The following SLC6A4 variants were observed in gnomAD, a reference collection of about 807,000 sequenced individuals.
SLC6A4 encodes sodium-dependent serotonin transporter.
SLC6A4 carries 22 observed loss-of-function variants against 73.4 expected under a neutral mutation model. The ratio of observed to expected loss-of-function variants is 0.30; its 90% CI spans 0.21 to 0.43. SLC6A4 has a LOEUF of 0.43. SLC6A4 is among the 20% of genes least tolerant of loss of function. The pLI is 1.00. For missense variants in SLC6A4, 593 were observed against 808.5 expected (o/e 0.73, Z 3.23); for synonymous variants, 270 against 315.5 (o/e 0.86, Z 1.53).
Position 30,216,082 on chromosome 17 carries a change from C to G in SLC6A4, c.972G>C (p.Gly324=). 1 of 1,612,836 alleles carries G rather than the reference C, an allele frequency of 6.2e-7. No homozygotes were observed. Among genetic ancestry groups the G allele is most frequent in the Non-Finnish European group, 8.5e-7 (1 of 1,179,416 alleles). The stretch of plus-strand genomic sequence containing the variant: ...ACACATATTTCCCTCATCATCTTAC[C>G]CCTGTCTCCAGGAGTTTCTGCCAAT... ...KPNWQKLLET[G]VWIDAAAQIF... is the part of the protein sequence containing the mutation. The change falls in exon 7 of 15, where the codon GGG becomes GGC. Residue 324 remains glycine, a splice_region_variant and synonymous_variant. Coordinates refer to ENST00000650711, the MANE Select transcript of SLC6A4 (RefSeq NM_001045.6).
chr17:30,221,577 C>T (rs766559577), intron 3 of SLC6A4, 39 bp downstream of exon 3: 2 of 1,571,196 alleles, frequency 1.3e-6, no homozygotes, highest in African/African-American at 2.7e-5. Context: ...CACAGCCCAC[C>T]CTGGGTCACA....
intron 8 of SLC6A4, among the ~76,000 whole-genome samples, chr17:30,213,329 G>C (rs931079799): frequency 7.1e-6 from 1 of 141,528 alleles, no homozygotes; most frequent in African/African-American, 2.7e-5. Flanking sequence ...TTGAGACAGA[G>C]CCTTGCTCTA....
intron 14 of SLC6A4, among the ~76,000 whole-genome samples, chr17:30,201,238 C>T (rs1269289854): frequency 6.6e-6 from 1 of 152,108 alleles, no homozygotes; most frequent in East Asian, 1.9e-4. Context: ...AGGAGGAAAC[C>T]GAGGCCCAGA....
intron 14 of SLC6A4, among the ~76,000 whole-genome samples, chr17:30,199,068 G>A (rs1449644384): frequency 6.6e-6 from 1 of 152,244 alleles, no homozygotes; most frequent in East Asian, 1.9e-4. Context: ...TCATATGAGA[G>A]TATAAATTAT....
At chr17:30,234,139 G>A (rs959081910) in intron 1 of SLC6A4, among the ~76,000 whole-genome samples, 1 of 151,764 alleles carries the variant, frequency 6.6e-6, no homozygotes, top group Non-Finnish European at 1.5e-5. Context: ...GAATTTCTGA[G>A]GTCTTTCAGA....
At position 30,222,069 on chromosome 17, in the gene SLC6A4, G is replaced by A. The variant is rs201098813; in HGVS notation, c.-111C>T. 146 of 1,571,180 alleles carry A rather than the reference G, an allele frequency of 9.3e-5. No individual in the cohort carries two copies. Among genetic ancestry groups the A allele is most frequent in the Non-Finnish European group, 1.2e-4 (140 of 1,158,036 alleles). Reference sequence around the variant, plus strand: ...AGCTCTCTATCGTCGGGATTGACACGTCGGGATTGACTCTGTTGGAAAGAC... The same window carrying A: ...AGCTCTCTATCGTCGGGATTGACACATCGGGATTGACTCTGTTGGAAAGAC... On this transcript the variant is annotated 5_prime_UTR_variant, in exon 3 of 15. In the 5' UTR this introduces an upstream ATG that the reference lacks. Transcript: ENST00000650711.
At chr17:30,218,665 AT>A in intron 4 of SLC6A4, 131 bp downstream of exon 4, 1 of 905,868 alleles carries the variant, frequency 1.1e-6, no homozygotes, top group Non-Finnish European at 1.7e-6. Flanking sequence ...CAAAACCTTA[AT>A]TACTCAAGCA....
intron 14 of SLC6A4, among the ~76,000 whole-genome samples, chr17:30,198,934 C>T (rs1905946398): frequency 6.6e-6 from 1 of 152,130 alleles, no homozygotes; most frequent in Non-Finnish European, 1.5e-5. Context: ...GCCCCCATCC[C>T]CTCACCCAGG....
At position 30,218,353 on chromosome 17, in the gene SLC6A4, G is replaced by A; in HGVS notation, c.479-16C>T. On this transcript the variant is annotated splice_polypyrimidine_tract_variant and intron_variant, in intron 4 of 14. Coordinates refer to ENST00000650711, the MANE Select transcript of SLC6A4 (RefSeq NM_001045.6). ...TAACCAATCCCTGGGCAGTGGGTGA[G>A]ATGGAGAGACAGAGGCCGAGTTTAA... 1 of 1,602,568 alleles carries A rather than the reference G, an allele frequency of 6.2e-7. No homozygotes were observed. The highest frequency in any genetic ancestry group is 1.3e-5 in the African/African-American group (1 of 74,818).
intron 3 of SLC6A4, 70 bp downstream of exon 3, chr17:30,221,546 G>A (rs577190050): frequency 4.6e-5 from 61 of 1,334,378 alleles, no homozygotes; most frequent in African/African-American, 3.0e-4. Context: ...AGCCCACCCC[G>A]GGTCACAGCC....
Position 30,230,101 on chromosome 17 carries a change from G to GGAAGAA in SLC6A4, c.-221+5511_-221+5512insTTCTTC, listed in dbSNP as rs1236198195. Reference sequence around the variant, plus strand: ...AAGAAGAAGAAGAAGAAGAAGAGGAGGAAGAGGAAGAGGAAGAGGAAGAGG... The same window carrying GGAAGAA: ...AAGAAGAAGAAGAAGAAGAAGAGGAGGAAGAAGAAGAGGAAGAGGAAGAGGAAGAGG... On this transcript the variant is annotated intron_variant, in intron 1 of 14. Transcript: ENST00000650711. 5.5e-5 allele frequency among the ~76,000 whole-genome samples: 5 copies of GGAAGAA among 90,428 alleles called. No homozygotes were observed. In the East Asian group the frequency reaches 1.6e-3, roughly 30 times the overall value. The allele number at this position is 90,428 out of a possible 152,430, so 59.3% of individuals were successfully genotyped here.
chr17:30,218,064 C>T, intron 5 of SLC6A4, 54 bp downstream of exon 5: 2 of 1,473,270 alleles, frequency 1.4e-6, no homozygotes, highest in African/African-American at 1.4e-5. Context: ...GAAGCCAAAC[C>T]CCAGGGGTGT....
In SLC6A4 at chr17:30,235,621, CT is replaced by C. The variant is rs991323528; in HGVS notation, c.-230del. On this transcript the variant is annotated 5_prime_UTR_variant, in exon 1 of 15. Coordinates refer to ENST00000650711, the MANE Select transcript of SLC6A4 (RefSeq NM_001045.6). The surrounding 1 kb of genome is among the most constrained non-coding windows in gnomAD (Gnocchi z 4.5). ...AGGAAAAGCGGACCCACCTGCCAGG[CT>C]GCGCGGGGAGGCTGGTCCCGGGCTG... is the stretch of plus-strand genomic sequence containing the variant. 3 of 152,380 alleles carry C rather than the reference CT, an allele frequency of 2.0e-5. No individual in the cohort carries two copies. Among genetic ancestry groups the C allele is most frequent in the African/African-American group, 7.2e-5 (3 of 41,468 alleles). 9.4% of individuals were successfully genotyped at this position (152,380 alleles called of 1,614,324 possible). A position where few individuals can be genotyped will look rare whatever the true frequency, so the allele number is the denominator to read the frequency against.
At chr17:30,218,977 C>A in intron 3 of SLC6A4, 46 bp from the exon 4 acceptor site, 1 of 1,609,762 alleles carries the variant, frequency 6.2e-7, no homozygotes, top group Non-Finnish European at 8.5e-7. Flanking sequence ...ACGTCTGTCC[C>A]AGGATAGCCC....
At chr17:30,199,199 G>A (rs186734676) in intron 14 of SLC6A4, among the ~76,000 whole-genome samples, 3 of 152,108 alleles carry the variant, frequency 2.0e-5, no homozygotes, top group Non-Finnish European at 4.4e-5. Context: ...AACAGCTGAG[G>A]TACACAGAAG....
chr17:30,203,131 G>A, intron 14 of SLC6A4, 41 bp downstream of exon 14: 1 of 1,484,678 alleles, frequency 6.7e-7, no homozygotes, highest in Non-Finnish European at 9.3e-7. Context: ...AAAACAATTA[G>A]TAGTCTGAAC....
intron 13 of SLC6A4, 151 bp downstream of exon 13, chr17:30,207,581 G>T: frequency 5.3e-6 from 3 of 564,576 alleles, no homozygotes; most frequent in Non-Finnish European, 9.6e-6. Context: ...AGTAGAGACG[G>T]GGTTTTGCCA....
chr17:30,230,122 A>G (rs143859029), intron 1 of SLC6A4, among the ~76,000 whole-genome samples: 33,048 of 119,798 alleles, frequency 0.28, 5,439 homozygotes, highest in African/African-American at 0.35. Flanking sequence ...AGGAAGAGGA[A>G]GAGGAGGAGG....
At chr17:30,218,495 A>G (rs1249532357) in intron 4 of SLC6A4, among the ~76,000 whole-genome samples, 158 bp from the exon 5 acceptor site, 1 of 152,174 alleles carries the variant, frequency 6.6e-6, no homozygotes, top group African/African-American at 2.4e-5. Flanking sequence ...CCACCGTGGG[A>G]AAAGTGGCCC....
Sources: allele counts gnomAD v4.1 joint callset (sites outside exome capture counted in the v4.1 genomes callset), GRCh38; gene constraint gnomAD v4.1.1; non-coding constraint Gnocchi (gnomAD v3.1); transcripts MANE v1.5; gene names NCBI Gene and HGNC (gene_info 2026-07-23, HGNC 2026-07-21).